The following VNN1 variants were observed in gnomAD, a reference collection of about 807,000 sequenced individuals.
VNN1 encodes vanin 1.
In VNN1, 29 loss-of-function variants were observed where a neutral mutation model predicts 41.9. The ratio of observed to expected loss-of-function variants is 0.69; its 90% CI spans 0.52 to 0.94. The LOEUF is 0.94. Ranked by LOEUF, VNN1 falls within the 40% of genes least tolerant of loss-of-function variation. The pLI is 0.00. For synonymous variants in VNN1, 233 were observed against 224.4 expected (o/e 1.04, Z -0.34); for missense variants, 637 against 621.1 (o/e 1.03, Z -0.27).
chr6:132,708,023 A>G (rs533790400), intron 2 of VNN1, among the ~76,000 whole-genome samples: 6 of 152,344 alleles, frequency 3.9e-5, no homozygotes, highest in African/African-American at 1.4e-4. Context: ...ATGCTTGTGT[A>G]CAAACATCAA....
At chr6:132,685,872 A>G (rs1329189470) in intron 5 of VNN1, among the ~76,000 whole-genome samples, 1 of 152,218 alleles carries the variant, frequency 6.6e-6, no homozygotes, top group African/African-American at 2.4e-5. Flanking sequence ...TGGTCTTTAG[A>G]TGAAAGTTTA....
At chr6:132,683,875 T>C (rs1778167497) in intron 6 of VNN1, among the ~76,000 whole-genome samples, 1 of 152,196 alleles carries the variant, frequency 6.6e-6, no homozygotes, top group Admixed American at 6.5e-5. Flanking sequence ...TAAAAAGTTT[T>C]TGCTTTTTTG....
At chr6:132,687,891 A>G (rs1320099577) in intron 5 of VNN1, among the ~76,000 whole-genome samples, 2 of 152,210 alleles carry the variant, frequency 1.3e-5, no homozygotes, top group Non-Finnish European at 2.9e-5. Flanking sequence ...AAACTATAAA[A>G]GCAAAACTCT....
rs1342873884 is a variant in VNN1 at position 132,693,331 on chromosome 6, G to A, written c.535-16C>T. 5 of 1,566,328 alleles carry A rather than the reference G, an allele frequency of 3.2e-6. No homozygotes were observed. Among genetic ancestry groups the A allele is most frequent in the Admixed American group, 2.0e-5 (1 of 50,766 alleles). Reference sequence around the variant, plus strand: ...AAAGGTTTTGCTGCAATAAACAGAAGATAAAGAGAAAAAAATTATTTTAGG... The same window carrying A: ...AAAGGTTTTGCTGCAATAAACAGAAAATAAAGAGAAAAAAATTATTTTAGG... On this transcript the variant is annotated splice_polypyrimidine_tract_variant and intron_variant, in intron 3 of 6. Coordinates refer to ENST00000367928, the MANE Select transcript of VNN1 (RefSeq NM_004666.3).
At chr6:132,711,950 G>T in intron 1 of VNN1, 111 bp from the exon 2 acceptor site, 1 of 1,043,566 alleles carries the variant, frequency 9.6e-7, no homozygotes, top group Non-Finnish European at 1.3e-6. Context: ...ATCTTATTTT[G>T]TTTTCTATAT....
chr6:132,703,725 TG>T (rs1361017490), intron 2 of VNN1, among the ~76,000 whole-genome samples: 3 of 151,914 alleles, frequency 2.0e-5, no homozygotes, highest in Middle Eastern at 3.4e-3. Context: ...TGAATGTAAA[TG>T]GTCTAAACTC....
rs115801877 is a variant in VNN1, at chr6:132,681,339, G to A, written c.*1801C>T. Among the ~76,000 whole-genome samples, 633 of 152,302 alleles carry A rather than the reference G, an allele frequency of 4.2e-3. 5 individuals carry two copies. Among genetic ancestry groups the A allele is most frequent in the African/African-American group, 0.015 (619 of 41,556 alleles). Reference sequence around the variant, plus strand: ...GCCTGGCAACCGCCGTGAGTGAGCTGAGAAGCAGATTTTCTCCAGCCCCAC... The same window carrying A: ...GCCTGGCAACCGCCGTGAGTGAGCTAAGAAGCAGATTTTCTCCAGCCCCAC... On this transcript the variant is annotated 3_prime_UTR_variant, in exon 7 of 7. Transcript: ENST00000367928.
chr6:132,704,253 A>G (rs947068392), intron 2 of VNN1, among the ~76,000 whole-genome samples: 7 of 152,146 alleles, frequency 4.6e-5, no homozygotes, highest in African/African-American at 1.7e-4. Flanking sequence ...TGGCTACAGA[A>G]TAAACATTCT....
intron 2 of VNN1, among the ~76,000 whole-genome samples, chr6:132,703,232 C>A (rs1582776280): frequency 6.6e-6 from 1 of 152,302 alleles, no homozygotes; most frequent in East Asian, 1.9e-4. Context: ...ACAAAACTCA[C>A]TAGTAAGTAC....
Position 132,702,285 on chromosome 6 carries a change from C to T in VNN1, c.342-8103G>A, listed in dbSNP as rs570266718. On this transcript the variant is annotated intron_variant, in intron 2 of 6. Coordinates refer to ENST00000367928, the MANE Select transcript of VNN1 (RefSeq NM_004666.3). ...GTTGTGAACTGTGCATCTGAGGAAT[C>T]TAGGTTGCATGTTCCTTATGAGAAT... Among the ~76,000 whole-genome samples, 208 of 152,330 alleles carry T rather than the reference C, an allele frequency of 1.4e-3. 4 individuals carry two copies. Among genetic ancestry groups the T allele is most frequent in the African/African-American group, 4.7e-3 (197 of 41,584 alleles).
chr6:132,686,213 G>A (rs922806928), intron 5 of VNN1, among the ~76,000 whole-genome samples: 1 of 152,152 alleles, frequency 6.6e-6, no homozygotes, highest in Non-Finnish European at 1.5e-5. Flanking sequence ...TTGGGAGGCC[G>A]AGGCAGGCGG....
chr6:132,682,790 T>A lies in VNN1; in HGVS notation c.*350A>T, dbSNP rs45493896. 3.9e-3 allele frequency: 626 copies of A among 159,500 alleles called. 8 individuals carry two copies. The highest frequency in any genetic ancestry group is 0.014 in the African/African-American group (573 of 41,784). 9.9% of individuals were successfully genotyped at this position (159,500 alleles called of 1,614,324 possible). A position where few individuals can be genotyped will look rare whatever the true frequency, so the allele number is the denominator to read the frequency against. The stretch of plus-strand genomic sequence containing the variant: ...AGAGCTGAATAAGTGATACGTAATA[T>A]AATAAAAGTGGTAACAAGAGCAGCC... On this transcript the variant is annotated 3_prime_UTR_variant, in exon 7 of 7. Transcript: ENST00000367928.
At chr6:132,706,579 C>G (rs1582777897) in intron 2 of VNN1, among the ~76,000 whole-genome samples, 1 of 152,264 alleles carries the variant, frequency 6.6e-6, no homozygotes, top group East Asian at 1.9e-4. Flanking sequence ...GGGAAACTCT[C>G]CAGGACATTG....
Position 132,692,516 on chromosome 6 carries a change from G to GA in VNN1, c.894_895insT (p.Leu299SerfsTer36), listed in dbSNP as rs760623365. ...TGGGAATCCAGTTGCGAGAGGAGGA[G>GA]TTTTCCCTCTTCTGTCTTCATATCA... is the stretch of plus-strand genomic sequence containing the variant. On this transcript the variant is annotated frameshift_variant, in exon 5 of 7. Transcript: ENST00000367928. LOFTEE classifies it high-confidence loss of function. 7.4e-6 allele frequency: 12 copies of GA among 1,612,014 alleles called. No individual in the cohort carries two copies. Among genetic ancestry groups the GA allele is most frequent in the Non-Finnish European group, 1.0e-5 (12 of 1,179,962 alleles).
In VNN1 at chr6:132,693,942, T is replaced by C. The variant is rs1163647249; in HGVS notation, c.534+48A>G. ...AACATATTTTTCTCCTTGCCCACTT[T>C]ATTTCATTAGGCATTAACTAATTGG... On this transcript the variant is annotated intron_variant, in intron 3 of 6. Transcript: ENST00000367928. 3.7e-6 allele frequency: 6 copies of C among 1,602,574 alleles called. No individual in the cohort carries two copies. The South Asian group carries it at 5.5e-5, about 15-fold the overall frequency.
intron 5 of VNN1, among the ~76,000 whole-genome samples, chr6:132,686,061 G>C (rs1474528595): frequency 6.6e-6 from 1 of 152,104 alleles, no homozygotes; most frequent in East Asian, 1.9e-4. Context: ...AAGACTCCCA[G>C]TTAAATGTGA....
Position 132,681,247 on chromosome 6 carries a change from T to G in VNN1, c.*1893A>C, listed in dbSNP as rs1475467857. 6.6e-6 allele frequency among the ~76,000 whole-genome samples: 1 copy of G among 152,214 alleles called. No homozygotes were observed. Among genetic ancestry groups the G allele is most frequent in the Non-Finnish European group, 1.5e-5 (1 of 68,034 alleles). ...TTCTCTCATGTGCTTTCTCTCTCAG[T>G]ATCATTGCTCTAGGAGAAGCCAGAT... On this transcript the variant is annotated 3_prime_UTR_variant, in exon 7 of 7. Transcript: ENST00000367928.
At chr6:132,711,600 C>G in intron 2 of VNN1, 109 bp downstream of exon 2, 1 of 1,314,804 alleles carries the variant, frequency 7.6e-7, no homozygotes, top group Non-Finnish European at 1.0e-6. Flanking sequence ...ATAAGCTATA[C>G]TGAAACTTAA....
Position 132,700,787 on chromosome 6 carries a change from C to T in VNN1, c.342-6605G>A, listed in dbSNP as rs1778439427. ...TTATGAATGTTAGATATAAACACTT[C>T]ACATTTAACAGTAATATTTAAGCAG... is the stretch of plus-strand genomic sequence containing the variant. On this transcript the variant is annotated intron_variant, in intron 2 of 6. Coordinates refer to ENST00000367928, the MANE Select transcript of VNN1 (RefSeq NM_004666.3). Among the ~76,000 whole-genome samples, 5 of 152,132 alleles carry T rather than the reference C, an allele frequency of 3.3e-5. No homozygotes were observed. In the South Asian group the frequency reaches 8.3e-4, roughly 25 times the overall value.
Sources: gnomAD v4.1 joint callset for allele counts (sites outside exome capture counted in the v4.1 genomes callset) on GRCh38, gnomAD v4.1.1 for gene constraint, MANE v1.5 for transcripts, NCBI Gene and HGNC (gene_info 2026-07-23, HGNC 2026-07-21) for gene names.